RANBP17: variants seen among roughly 807,000 people sequenced by gnomAD.
The protein encoded by RANBP17 is RAN binding protein 17.
Under a neutral mutation model 141.2 loss-of-function variants are expected in RANBP17, and 158 were observed. The observed-to-expected ratio is 1.12, with a 90% CI of 0.98 to 1.28. The LOEUF (loss-of-function observed/expected upper bound fraction) is 1.28, where lower values mean the gene tolerates loss of function less well. Ranked by LOEUF, RANBP17 falls within the 50% of genes most tolerant of loss-of-function variation. The pLI is 0.00. For missense variants in RANBP17, 1,438 were observed against 1,290.7 expected, an observed-to-expected ratio of 1.11 and a Z score of -1.75; for synonymous variants, 430 against 450.0, an observed-to-expected ratio of 0.96 and a Z score of 0.56.
chr5:170,959,695 T>C (rs941923864), intron 13 of RANBP17, among the ~76,000 whole-genome samples: 1 of 152,324 alleles, frequency 6.6e-6, no homozygotes, highest in Middle Eastern at 3.4e-3. Flanking sequence ...ATATTTTGTA[T>C]GTTATATGTA....
intron 12 of RANBP17, among the ~76,000 whole-genome samples, chr5:170,931,806 G>A (rs1229857953): frequency 7.2e-5 from 11 of 152,210 alleles, no homozygotes; most frequent in African/African-American, 2.6e-4. Context: ...TTTGGTTACT[G>A]TAGCCTTGTA....
intron 12 of RANBP17, among the ~76,000 whole-genome samples, chr5:170,932,051 C>A (rs1362627595): frequency 2.0e-5 from 3 of 152,038 alleles, no homozygotes; most frequent in Non-Finnish European, 4.4e-5. Context: ...ATGGAATGTT[C>A]TTCCATTTGT....
At chr5:171,150,757 G>T (rs1758415654) in intron 14 of RANBP17, among the ~76,000 whole-genome samples, 2 of 152,304 alleles carry the variant, frequency 1.3e-5, no homozygotes, top group South Asian at 4.1e-4. Flanking sequence ...TCATACCCAA[G>T]AGATGATTCT....
intron 3 of RANBP17, 71 bp from the exon 4 acceptor site, chr5:170,892,316 C>A: frequency 4.5e-6 from 2 of 445,858 alleles, no homozygotes; most frequent in Non-Finnish European, 3.6e-6. Flanking sequence ...CCCCACCTCT[C>A]TTTCTTCATA....
intron 14 of RANBP17, among the ~76,000 whole-genome samples, chr5:170,981,681 A>C (rs1324722449): frequency 6.6e-6 from 1 of 152,088 alleles, no homozygotes; most frequent in Admixed American, 6.6e-5. Context: ...CTCTTTCATA[A>C]ATTACCCAGT....
chr5:171,006,027 A>G (rs1779576396), intron 14 of RANBP17, among the ~76,000 whole-genome samples: 2 of 152,184 alleles, frequency 1.3e-5, no homozygotes, highest in Non-Finnish European at 2.9e-5. Flanking sequence ...AGAGAAATGC[A>G]AATCAAAACC....
intron 25 of RANBP17, among the ~76,000 whole-genome samples, chr5:171,283,270 A>G (rs1466271541): frequency 6.6e-6 from 1 of 152,104 alleles, no homozygotes; most frequent in African/African-American, 2.4e-5. Context: ...ACTCAACTGT[A>G]AGCTCTTTGA....
chr5:170,992,430 AG>A (rs1194682427), intron 14 of RANBP17, among the ~76,000 whole-genome samples: 1 of 152,062 alleles, frequency 6.6e-6, no homozygotes, highest in Non-Finnish European at 1.5e-5. Flanking sequence ...AATAGGAAAG[AG>A]GAGAGAGCAG....
intron 12 of RANBP17, among the ~76,000 whole-genome samples, chr5:170,929,660 G>C (rs950232235): frequency 3.3e-5 from 5 of 152,112 alleles, no homozygotes; most frequent in Non-Finnish European, 5.9e-5. Context: ...GAAGGATATT[G>C]GTTTGTAGTT....
intron 5 of RANBP17, among the ~76,000 whole-genome samples, chr5:170,902,470 C>T (rs1347348741): frequency 6.6e-6 from 1 of 152,144 alleles, no homozygotes; most frequent in Non-Finnish European, 1.5e-5. Context: ...TTAGAACATG[C>T]TCCTTTAGCT....
intron 1 of RANBP17, among the ~76,000 whole-genome samples, chr5:170,874,878 A>G (rs955618009): frequency 6.6e-6 from 1 of 152,148 alleles, no homozygotes; most frequent in Admixed American, 6.5e-5. Context: ...TCATGATGCT[A>G]GCTGGTTATT....
At chr5:171,295,815 A>G (rs1768778935) in intron 26 of RANBP17, 72 bp from the exon 27 acceptor site, 12 of 1,546,984 alleles carry the variant, frequency 7.8e-6, no homozygotes, top group South Asian at 7.1e-5. Context: ...GAGCTGCTCT[A>G]TCCATCCCCT....
At chr5:171,043,894 T>C (rs903584894) in intron 14 of RANBP17, among the ~76,000 whole-genome samples, 4 of 152,176 alleles carry the variant, frequency 2.6e-5, no homozygotes, top group African/African-American at 7.2e-5. Context: ...CTAGCCAACA[T>C]GAAACTATTA....
chr5:171,253,048 G>T, intron 24 of RANBP17: 3 of 954,066 alleles, frequency 3.1e-6, no homozygotes, highest in Non-Finnish European at 5.0e-6. Flanking sequence ...TTTTGGAAAG[G>T]ATCAAGCACT....
rs1765630422 is a variant in RANBP17, at chr5:171,252,391, A to G, written c.2776+9571A>G. 2.6e-5 allele frequency: 40 copies of G among 1,534,718 alleles called. No individual in the cohort carries two copies. In the South Asian group the frequency reaches 4.2e-4, roughly 16 times the overall value. ...ATGTCTTACTTGTGAAACTATGAGC[A>G]GCAAAGATGAAGATTTTTTAGACCT... On this transcript the variant is annotated intron_variant, in intron 24 of 27. Coordinates refer to ENST00000523189, the MANE Select transcript of RANBP17 (RefSeq NM_022897.5).
At position 170,920,444 on chromosome 5, in the gene RANBP17, T is replaced by C. The variant is rs146576878; in HGVS notation, c.1274+831T>C. On this transcript the variant is annotated intron_variant, in intron 11 of 27. Transcript: ENST00000523189. ...TATTTTCATGCACTTATTTACCATCTGTATGTATTCATTGCTAGTGTGCTA... is the reference window on the plus strand; with the variant it reads ...TATTTTCATGCACTTATTTACCATCCGTATGTATTCATTGCTAGTGTGCTA... Among the ~76,000 whole-genome samples, 618 of 152,298 alleles carry C rather than the reference T, an allele frequency of 4.1e-3. 5 individuals carry two copies. The highest frequency in any genetic ancestry group is 0.014 in the African/African-American group (596 of 41,586).
chr5:171,182,603 CAT>C (rs1206331542), intron 16 of RANBP17, among the ~76,000 whole-genome samples: 12 of 152,160 alleles, frequency 7.9e-5, no homozygotes, highest in Non-Finnish European at 1.5e-4. Flanking sequence ...GGTGAATTAA[CAT>C]ATGGAAATGC....
intron 12 of RANBP17, among the ~76,000 whole-genome samples, chr5:170,936,016 C>T (rs532388960): frequency 4.6e-5 from 7 of 152,322 alleles, no homozygotes; most frequent in South Asian, 2.1e-4. Context: ...TCCCCAGCCT[C>T]GCTGCCGCCT....
chr5:171,288,302 C>T (rs183516615), intron 25 of RANBP17, among the ~76,000 whole-genome samples: 1 of 152,284 alleles, frequency 6.6e-6, no homozygotes, highest in Admixed American at 6.5e-5. Flanking sequence ...CATCAGTAGG[C>T]GCCAAGGGTG....
Sources: gnomAD v4.1 joint callset for allele counts (sites outside exome capture counted in the v4.1 genomes callset) on GRCh38, gnomAD v4.1.1 for gene constraint, MANE v1.5 for transcripts, NCBI Gene and HGNC (gene_info 2026-07-23, HGNC 2026-07-21) for gene names.